The following KIF26B variants were observed in gnomAD, a reference collection of about 807,000 sequenced individuals.
KIF26B encodes kinesin family member 26B, also known as kinesin-like protein KIF26B.
Under a neutral mutation model 151.2 loss-of-function variants are expected in KIF26B, and 63 were observed. The observed-to-expected ratio is 0.42, with a 90% confidence interval of 0.34 to 0.51. The LOEUF is 0.51. Among genes scored for constraint, KIF26B ranks in the 20% least tolerant of loss-of-function variants. The pLI is 0.07. For synonymous variants in KIF26B, 1,357 were observed against 1,262.1 expected (o/e 1.08, Z -1.59); for missense variants, 2,813 against 2,913.6 (o/e 0.97, Z 0.79).
At chr1:245,216,766 A>T (rs1033958071) in intron 2 of KIF26B, among the ~76,000 whole-genome samples, 1 of 152,174 alleles carries the variant, frequency 6.6e-6, no homozygotes, top group Non-Finnish European at 1.5e-5. Flanking sequence ...TCTTTCGCAA[A>T]TTGGTTCTTT....
chr1:245,618,457 C>A (rs148368793), intron 9 of KIF26B, among the ~76,000 whole-genome samples: 86 of 151,230 alleles, frequency 5.7e-4, no homozygotes, highest in African/African-American at 1.9e-3. Flanking sequence ...TTCCTTGAGA[C>A]AGAGTGCCAC....
At chr1:245,216,297 G>A (rs1669643340) in intron 2 of KIF26B, 1 of 151,938 alleles carries the variant, frequency 6.6e-6, no homozygotes, top group Non-Finnish European at 1.5e-5. Flanking sequence ...TGCAACATCT[G>A]ATGTATCTGT....
At chr1:245,449,700 C>G (rs1025254082) in intron 4 of KIF26B, among the ~76,000 whole-genome samples, 1 of 152,088 alleles carries the variant, frequency 6.6e-6, no homozygotes, top group African/African-American at 2.4e-5. Flanking sequence ...CTATTTTAGT[C>G]TAGATTATGG....
chr1:245,271,574 G>A (rs1670856791), intron 2 of KIF26B, among the ~76,000 whole-genome samples: 1 of 148,484 alleles, frequency 6.7e-6, no homozygotes, highest in African/African-American at 2.5e-5. Context: ...GTTGAATTCA[G>A]TCAAATGCTT....
At chr1:245,372,604 T>C (rs79214025) in intron 3 of KIF26B, among the ~76,000 whole-genome samples, 2,447 of 152,292 alleles carry the variant, frequency 0.016, 51 homozygotes, top group African/African-American at 0.048. Flanking sequence ...CCACATGAAA[T>C]TGTGACTTTG....
chr1:245,299,108 C>T (rs533151896), intron 2 of KIF26B, among the ~76,000 whole-genome samples: 7 of 152,298 alleles, frequency 4.6e-5, no homozygotes, highest in East Asian at 1.9e-4. Context: ...CGCTGCCTCC[C>T]GCCTGCCTTT....
chr1:245,659,750 G>T (rs1291365467), intron 10 of KIF26B, among the ~76,000 whole-genome samples: 1 of 151,980 alleles, frequency 6.6e-6, no homozygotes, highest in Non-Finnish European at 1.5e-5. Context: ...AGCAGTTCCA[G>T]CAAGTAGGCC....
intron 10 of KIF26B, among the ~76,000 whole-genome samples, chr1:245,670,168 TAGA>T (rs953162427): frequency 7.3e-5 from 11 of 151,222 alleles, no homozygotes; most frequent in African/African-American, 2.7e-4. Flanking sequence ...ACATTATCTT[TAGA>T]AGAACACTTT....
chr1:245,464,396 G>T (rs201318910), intron 4 of KIF26B, among the ~76,000 whole-genome samples: 3 of 147,848 alleles, frequency 2.0e-5, no homozygotes, highest in South Asian at 2.2e-4. Context: ...TGTGTGTGTG[G>T]GTGTGTGCGT....
chr1:245,665,702 A>G (rs1483258588), intron 10 of KIF26B, among the ~76,000 whole-genome samples: 2 of 121,192 alleles, frequency 1.7e-5, no homozygotes, highest in Non-Finnish European at 3.3e-5. Context: ...TTGGAACATT[A>G]TATCTTTTTT....
chr1:245,376,012 G>A (rs1303446336), intron 3 of KIF26B, among the ~76,000 whole-genome samples: 1 of 152,104 alleles, frequency 6.6e-6, no homozygotes, highest in African/African-American at 2.4e-5. Context: ...ACTCTCCATT[G>A]GTAGCTAGTC....
At chr1:245,558,742 A>G (rs1176236814) in intron 5 of KIF26B, among the ~76,000 whole-genome samples, 2 of 152,232 alleles carry the variant, frequency 1.3e-5, no homozygotes, top group Non-Finnish European at 2.9e-5. Flanking sequence ...CCTGGACAAC[A>G]TAACGTCGGG....
intron 2 of KIF26B, among the ~76,000 whole-genome samples, chr1:245,278,731 G>T (rs1670982584): frequency 6.6e-6 from 1 of 152,094 alleles, no homozygotes; most frequent in Non-Finnish European, 1.5e-5. Context: ...TCTAAAGAAG[G>T]GAAACTTCTT....
chr1:245,270,967 G>T (rs1454023056), intron 2 of KIF26B, among the ~76,000 whole-genome samples: 1 of 152,094 alleles, frequency 6.6e-6, no homozygotes, highest in African/African-American at 2.4e-5. Context: ...TGCTTCTTTT[G>T]CATGTGGGTA....
chr1:245,227,916 C>T lies in KIF26B; in HGVS notation c.465+71233C>T, dbSNP rs546459918. ...ACTTAGGAGGCTGAGGCAGGAGAAT[C>T]GCTTGAACCCGGGAGGCGGAGGTTG... On this transcript the variant is annotated intron_variant, in intron 2 of 14. Transcript: ENST00000407071. The surrounding 1 kb of genome is among the most constrained non-coding windows in gnomAD (Gnocchi z 4.1). Among the ~76,000 whole-genome samples the T allele has an allele frequency of 1.3e-5, 2 of 152,134 alleles. No individual in the cohort carries two copies. Among genetic ancestry groups the T allele is most frequent in the African/African-American group, 2.4e-5 (1 of 41,506 alleles).
chr1:245,400,984 A>AT (rs894800828), intron 3 of KIF26B, among the ~76,000 whole-genome samples: 8 of 151,908 alleles, frequency 5.3e-5, no homozygotes, highest in Non-Finnish European at 1.0e-4. Flanking sequence ...CAATGATCCC[A>AT]TTTTTTTTCT....
intron 4 of KIF26B, among the ~76,000 whole-genome samples, chr1:245,478,695 G>C (rs1381506119): frequency 1.3e-5 from 2 of 151,692 alleles, no homozygotes; most frequent in Non-Finnish European, 2.9e-5. Context: ...GATGACAGGC[G>C]TGAGCCACCG....
At chr1:245,493,751 G>A (rs1660454120) in intron 4 of KIF26B, among the ~76,000 whole-genome samples, 1 of 152,186 alleles carries the variant, frequency 6.6e-6, no homozygotes, top group Non-Finnish European at 1.5e-5. Flanking sequence ...TTCTCTCCCT[G>A]TTCATCTGCT....
At chr1:245,693,262 T>G (rs1448474862) in intron 12 of KIF26B, among the ~76,000 whole-genome samples, 1 of 151,914 alleles carries the variant, frequency 6.6e-6, no homozygotes. Context: ...TGAGGGAGGG[T>G]CTGCCTGAAG....
Sources: gnomAD v4.1 joint callset for allele counts (sites outside exome capture counted in the v4.1 genomes callset) on GRCh38, gnomAD v4.1.1 for gene constraint, Gnocchi (gnomAD v3.1) non-coding constraint, MANE v1.5 for transcripts, NCBI Gene and HGNC (gene_info 2026-07-23, HGNC 2026-07-21) for gene names.